RAB35: variants seen among roughly 807,000 people sequenced by gnomAD.
RAB35 encodes RAB35, member RAS oncogene family.
RAB35 carries 4 observed loss-of-function variants against 28.9 expected under a neutral mutation model. The observed-to-expected ratio is 0.14, with a 90% CI of 0.07 to 0.32. The LOEUF is 0.32. RAB35 is among the 10% of genes least tolerant of loss of function. RAB35 has a pLI of 1.00. For synonymous variants in RAB35, 99 were observed against 105.1 expected (o/e 0.94, Z 0.35); for missense variants, 128 against 274.0 (o/e 0.47, Z 3.76).
rs571988654 is a variant in RAB35, at chr12:120,096,030, G to A, written c.*1215C>T. The stretch of plus-strand genomic sequence containing the variant: ...GCACTGGGGCGTGTCAAAACTGGCC[G>A]CCCCAGCCATTCCTTCCCACCCGCC... On this transcript the variant is annotated 3_prime_UTR_variant, in exon 6 of 6. Coordinates refer to ENST00000229340, the MANE Select transcript of RAB35 (RefSeq NM_006861.7). The A allele has an allele frequency of 3.8e-5, 7 of 184,512 alleles. No homozygotes were observed. The highest frequency in any genetic ancestry group is 9.5e-5 in the African/African-American group (4 of 41,946). The allele number at this position is 184,512 out of a possible 1,614,324, so 11.4% of individuals were successfully genotyped here.
chr12:120,103,983 CG>C lies in RAB35; in HGVS notation c.104-35del. 1.9e-6 allele frequency: 3 copies of C among 1,610,398 alleles called. No individual in the cohort carries two copies. The highest frequency in any genetic ancestry group is 1.7e-6 in the Non-Finnish European group (2 of 1,178,254). On this transcript the variant is annotated intron_variant, in intron 2 of 5. Coordinates refer to ENST00000229340, the MANE Select transcript of RAB35 (RefSeq NM_006861.7). The surrounding 1 kb of genome is among the most constrained non-coding windows in gnomAD (Gnocchi z 6.1). Reference sequence around the variant, plus strand: ...ACAGGGCAGTTAACGAGGCCCAGCGCGGTATCTTCCCAGGCCCTGAGCCCCA... The same window carrying C: ...ACAGGGCAGTTAACGAGGCCCAGCGCGTATCTTCCCAGGCCCTGAGCCCCA...
At chr12:120,113,623 A>C (rs12815152) in intron 1 of RAB35, among the ~76,000 whole-genome samples, 6 of 152,178 alleles carry the variant, frequency 3.9e-5, no homozygotes, top group African/African-American at 9.6e-5. Context: ...TAGAGACCAT[A>C]CTGGCTAAAA....
chr12:120,106,144 A>G lies in RAB35; in HGVS notation c.104-2195T>C, dbSNP rs192881009. On this transcript the variant is annotated intron_variant, in intron 2 of 5. Coordinates refer to ENST00000229340, the MANE Select transcript of RAB35 (RefSeq NM_006861.7). ...TGAGATGCTGGTCGTAGAAATGGAA[A>G]GGTGGGAAGAGATTGCAACAACAAG... 3.0e-3 allele frequency among the ~76,000 whole-genome samples: 452 copies of G among 152,274 alleles called. 1 individual carries two copies. The highest frequency in any genetic ancestry group is 4.4e-3 in the Non-Finnish European group (299 of 68,004).
intron 3 of RAB35, among the ~76,000 whole-genome samples, chr12:120,100,522 C>G (rs1244207214): frequency 6.6e-6 from 1 of 152,198 alleles, no homozygotes; most frequent in East Asian, 1.9e-4. Context: ...TGGTCCCAGA[C>G]AGAGGTGGTG....
In RAB35 at chr12:120,108,809, C is replaced by T. The variant is rs181482085; in HGVS notation, c.53-342G>A. 28 of 445,820 alleles carry T rather than the reference C, an allele frequency of 6.3e-5. No individual in the cohort carries two copies. In the East Asian group the frequency reaches 1.1e-3, roughly 17 times the overall value. 27.6% of individuals were successfully genotyped at this position (445,820 alleles called of 1,614,324 possible). A position where few individuals can be genotyped will look rare whatever the true frequency, so the allele number is the denominator to read the frequency against. ...CAGAATGAAGGTCAACCACACGAAA[C>T]GGCCCCCAAGTGCGTCTACAACATG... On this transcript the variant is annotated intron_variant, in intron 1 of 5. Coordinates refer to ENST00000229340, the MANE Select transcript of RAB35 (RefSeq NM_006861.7).
intron 1 of RAB35, among the ~76,000 whole-genome samples, chr12:120,111,762 G>C (rs1876127020): frequency 6.6e-6 from 1 of 151,624 alleles, no homozygotes; most frequent in African/African-American, 2.4e-5. Context: ...ACCAACCTCT[G>C]ACACTGCTCT....
chr12:120,101,807 T>A (rs1481659754), intron 3 of RAB35, among the ~76,000 whole-genome samples: 1 of 152,110 alleles, frequency 6.6e-6, no homozygotes, highest in Non-Finnish European at 1.5e-5. Context: ...GAAAAACCCA[T>A]GTTGCTCCCA....
Position 120,099,020 on chromosome 12 carries a change from G to A in RAB35, c.352+10C>T, listed in dbSNP as rs766788006. The A allele has an allele frequency of 3.7e-6, 6 of 1,613,850 alleles. No individual in the cohort carries two copies. Among genetic ancestry groups the A allele is most frequent in the East Asian group, 4.5e-5 (2 of 44,864 alleles). On this transcript the variant is annotated intron_variant, in intron 4 of 5. Coordinates refer to ENST00000229340, the MANE Select transcript of RAB35 (RefSeq NM_006861.7). ...ACCCAACCCCGACCCGGCCCTGAGT[G>A]CAGCCTCACCTAATATTCGGCACAC...
In RAB35 at chr12:120,103,485, T is replaced by G. The variant is rs1186688748; in HGVS notation, c.227+341A>C. ...ACTAAGTCCTGGGTGGGCAAGGCAC[T>G]TCGCAACCCCCTAGCGAGGCAAATG... On this transcript the variant is annotated intron_variant, in intron 3 of 5. Coordinates refer to ENST00000229340, the MANE Select transcript of RAB35 (RefSeq NM_006861.7). This position sits in a 1 kb window ranked among gnomAD's most constrained non-coding sequence, Gnocchi z 6.1. Among the ~76,000 whole-genome samples, 1 of 152,200 alleles carries G rather than the reference T, an allele frequency of 6.6e-6. No individual in the cohort carries two copies. The highest frequency in any genetic ancestry group is 1.5e-5 in the Non-Finnish European group (1 of 68,040).
Position 120,095,114 on chromosome 12 carries a change from CTTTAT to C in RAB35, c.*2126_*2130del, listed in dbSNP as rs1260238569. 2.0e-5 allele frequency: 3 copies of C among 152,344 alleles called. No individual in the cohort carries two copies. The highest frequency in any genetic ancestry group is 6.5e-5 in the Admixed American group (1 of 15,296). 9.4% of individuals were successfully genotyped at this position (152,344 alleles called of 1,614,324 possible). A position where few individuals can be genotyped will look rare whatever the true frequency, so the allele number is the denominator to read the frequency against. ...TGGAAGAAAATTTGGCAGCTTGAAC[CTTTAT>C]TTTTAGTATTTTTTTAAAAAGCATA... On this transcript the variant is annotated 3_prime_UTR_variant, in exon 6 of 6. Coordinates refer to ENST00000229340, the MANE Select transcript of RAB35 (RefSeq NM_006861.7).
At chr12:120,104,214 C>T (rs1333859724) in intron 2 of RAB35, among the ~76,000 whole-genome samples, 2 of 152,088 alleles carry the variant, frequency 1.3e-5, no homozygotes, top group East Asian at 3.9e-4. Flanking sequence ...GGAAATAACA[C>T]GGGATGGGAC....
At chr12:120,108,756 G>A in intron 1 of RAB35, 1 of 581,536 alleles carries the variant, frequency 1.7e-6, no homozygotes, top group Non-Finnish European at 3.2e-6. Flanking sequence ...CTGAGGGCTG[G>A]CCCAAAGGGA....
intron 3 of RAB35, among the ~76,000 whole-genome samples, chr12:120,100,981 C>T (rs1018715713): frequency 2.0e-5 from 3 of 152,344 alleles, no homozygotes; most frequent in Admixed American, 2.0e-4. Flanking sequence ...TCAGAGATGC[C>T]AAGAAACGCC....
At chr12:120,108,513 T>C in intron 1 of RAB35, 46 bp from the exon 2 acceptor site, 2 of 1,563,462 alleles carry the variant, frequency 1.3e-6, no homozygotes, top group Non-Finnish European at 1.8e-6. Flanking sequence ...GTGGGTCCCC[T>C]CCCCGCAGCC....
At position 120,116,716 on chromosome 12, in the gene RAB35, T is replaced by TA. The variant is rs1566290520; in HGVS notation, c.-67_-66insT. 8.3e-7 allele frequency: 1 copy of TA among 1,210,580 alleles called. No individual in the cohort carries two copies. The highest frequency in any genetic ancestry group is 1.6e-5 in the African/African-American group (1 of 63,462). The allele number at this position is 1,210,580 out of a possible 1,614,324, so 75.0% of individuals were successfully genotyped here. A position where few individuals can be genotyped will look rare whatever the true frequency, so the allele number is the denominator to read the frequency against. On this transcript the variant is annotated 5_prime_UTR_variant, in exon 1 of 6. Transcript: ENST00000229340. ...CTGGCCTCGCGATCCGCAGCTCCCTTCGGGCTGCTCCGGCAGCGGCGGATC... is the reference window on the plus strand; with the variant it reads ...CTGGCCTCGCGATCCGCAGCTCCCTTACGGGCTGCTCCGGCAGCGGCGGATC...
intron 1 of RAB35, among the ~76,000 whole-genome samples, chr12:120,109,916 A>C (rs1876046258): frequency 6.6e-6 from 1 of 152,152 alleles, no homozygotes; most frequent in Admixed American, 6.5e-5. Context: ...AAGTTAATTG[A>C]CCACAAAGAA....
chr12:120,100,062 C>T (rs111491563), intron 3 of RAB35, among the ~76,000 whole-genome samples: 70 of 152,352 alleles, frequency 4.6e-4, no homozygotes, highest in South Asian at 8.3e-4. Context: ...GTGGACAGGC[C>T]GCTTCCTCCC....
intron 1 of RAB35, among the ~76,000 whole-genome samples, chr12:120,111,332 G>C (rs1876108211): frequency 1.3e-5 from 2 of 152,126 alleles, no homozygotes; most frequent in African/African-American, 4.8e-5. Context: ...ATCCCCTCCA[G>C]CTTGGCCTCT....
chr12:120,116,458 A>C, intron 1 of RAB35, 141 bp downstream of exon 1: 1 of 503,470 alleles, frequency 2.0e-6, no homozygotes, highest in Non-Finnish European at 2.6e-6. Context: ...CCCTCGGCGC[A>C]CCCCTGGGGC....
Sources: gnomAD v4.1 joint callset for allele counts (sites outside exome capture counted in the v4.1 genomes callset) on GRCh38, gnomAD v4.1.1 for gene constraint, Gnocchi (gnomAD v3.1) non-coding constraint, MANE v1.5 for transcripts, NCBI Gene and HGNC (gene_info 2026-07-23, HGNC 2026-07-21) for gene names.